The following CLDN16 variants were observed in gnomAD, a reference collection of about 807,000 sequenced individuals.
CLDN16 encodes the protein claudin-16.
Under a neutral mutation model 24.6 loss-of-function variants are expected in CLDN16, and 13 were observed. The ratio of observed to expected loss-of-function variants is 0.53; its 90% confidence interval spans 0.34 to 0.84. The LOEUF is 0.84. Among genes scored for constraint, CLDN16 ranks in the 40% least tolerant of loss-of-function variants. The pLI, the probability that CLDN16 is intolerant of heterozygous loss-of-function variation, is 0.01. For missense variants in CLDN16, 298 were observed against 292.7 expected (o/e 1.02, Z -0.13); for synonymous variants, 116 against 106.7 (o/e 1.09, Z -0.54).
chr3:190,327,513 C>A (rs1443348392), intron 1 of CLDN16, among the ~76,000 whole-genome samples: 2 of 152,110 alleles, frequency 1.3e-5, no homozygotes, highest in African/African-American at 4.8e-5. Context: ...AGATAACTAT[C>A]AACACAGATG....
At chr3:190,325,833 T>TAG (rs1717049100) in intron 1 of CLDN16, among the ~76,000 whole-genome samples, 1 of 152,230 alleles carries the variant, frequency 6.6e-6, no homozygotes, top group South Asian at 2.1e-4. Context: ...AATGAACACA[T>TAG]TACTAAGTAA....
At chr3:190,384,227 A>G (rs1718434643), upstream of CLDN16, among the ~76,000 whole-genome samples, 1 of 152,180 alleles carries the variant, frequency 6.6e-6, no homozygotes, top group South Asian at 2.1e-4. Context: ...GACTATTTAT[A>G]GGATATGGTA....
chr3:190,295,772 T>C, the CLDN16 span, among the ~76,000 whole-genome samples: 1 of 152,222 alleles, frequency 6.6e-6, no homozygotes, highest in African/African-American at 2.4e-5. Context: ...CTGTCTGAAC[T>C]AAATGTAGAA....
At position 190,350,344 on chromosome 3, in the gene CLDN16, T is replaced by TATATATA. The variant is rs1560085135; in HGVS notation, n.122-20549_122-20548insATATATA. On this transcript the variant is annotated intron_variant and non_coding_transcript_variant, in intron 1 of 4. Coordinates refer to the CLDN16 transcript ENST00000468220. ...AGTTTAAGAATCATAGTTCATAATG[T>TATATATA]TATATATATATATATATATATACTT... Among the ~76,000 whole-genome samples the TATATATA allele has an allele frequency of 7.6e-3, 1,081 of 142,040 alleles. 12 individuals carry two copies. The highest frequency in any genetic ancestry group is 0.01 in the African/African-American group (389 of 38,788). 93.2% of individuals were successfully genotyped at this position (142,040 alleles called of 152,430 possible).
At chr3:190,350,710 T>A (rs1717654614) in intron 1 of CLDN16, among the ~76,000 whole-genome samples, 2 of 152,166 alleles carry the variant, frequency 1.3e-5, no homozygotes, top group Non-Finnish European at 2.9e-5. Flanking sequence ...TATTACTGTG[T>A]TTGGGTTCAG....
In CLDN16 at chr3:190,410,276, A is replaced by C; in HGVS notation, c.*240A>C. 1 of 510,778 alleles carries C rather than the reference A, an allele frequency of 2.0e-6. No homozygotes were observed. Among genetic ancestry groups the C allele is most frequent in the Non-Finnish European group, 3.5e-6 (1 of 284,344 alleles). 31.6% of individuals were successfully genotyped at this position (510,778 alleles called of 1,614,324 possible). ...CACACTTTCCCTATATTTTAAGATA[A>C]GTCTGCTAGGATGTAGAAATATTTG... On this transcript the variant is annotated 3_prime_UTR_variant, in exon 5 of 5. Transcript: ENST00000264734.
chr3:190,369,929 GT>G (rs1457137792), intron 1 of CLDN16, among the ~76,000 whole-genome samples: 1 of 151,954 alleles, frequency 6.6e-6, no homozygotes, highest in East Asian at 1.9e-4. Context: ...AACCTGTGAT[GT>G]TTTCACAAAC....
intron 3 of CLDN16, among the ~76,000 whole-genome samples, chr3:190,407,422 C>G (rs777311142): frequency 3.9e-5 from 6 of 152,116 alleles, no homozygotes; most frequent in Non-Finnish European, 8.8e-5. Flanking sequence ...AAATCCAACT[C>G]AAGCAGACTT....
chr3:190,373,000 T>C lies in CLDN16; in HGVS notation n.231-1528T>C, dbSNP rs1411616534. On this transcript the variant is annotated intron_variant and non_coding_transcript_variant, in intron 2 of 4. Coordinates refer to the CLDN16 transcript ENST00000468220. ...ATCCTTACTGTACATGCTGATAATC[T>C]GCCTGACTCTTCAAAGGGCAGCCCC... is the stretch of plus-strand genomic sequence containing the variant. Among the ~76,000 whole-genome samples, 16 of 152,118 alleles carry C rather than the reference T, an allele frequency of 1.1e-4. No homozygotes were observed. The East Asian group carries it at 3.1e-3, about 30-fold the overall frequency.
At chr3:190,368,301 A>G (rs1439150461) in intron 1 of CLDN16, among the ~76,000 whole-genome samples, 7 of 152,080 alleles carry the variant, frequency 4.6e-5, no homozygotes, top group Non-Finnish European at 1.0e-4. Context: ...TCTGATGATC[A>G]GACAATAACT....
intron 3 of CLDN16, among the ~76,000 whole-genome samples, chr3:190,407,841 G>T (rs1358155592): frequency 6.6e-6 from 1 of 152,202 alleles, no homozygotes; most frequent in Non-Finnish European, 1.5e-5. Flanking sequence ...AGCTGGCATA[G>T]CTTCAAAAGG....
the CLDN16 span, chr3:190,306,218 A>G: frequency 6.6e-6 from 1 of 152,224 alleles, no homozygotes; most frequent in Non-Finnish European, 1.5e-5. Context: ...ATTTACCAAC[A>G]CGTAGGCTTT....
intron 1 of CLDN16, among the ~76,000 whole-genome samples, chr3:190,359,705 G>A (rs1447108409): frequency 1.3e-5 from 2 of 151,958 alleles, no homozygotes; most frequent in Non-Finnish European, 2.9e-5. Context: ...AAGTAGCATG[G>A]GAGCACTGAA....
At chr3:190,343,289 T>C (rs1396404207) in intron 1 of CLDN16, among the ~76,000 whole-genome samples, 1 of 151,920 alleles carries the variant, frequency 6.6e-6, no homozygotes, top group East Asian at 1.9e-4. Context: ...ATAGCTGGTA[T>C]CAAAAAGACA....
intron 3 of CLDN16, among the ~76,000 whole-genome samples, chr3:190,379,573 CAACA>C (rs200542579): frequency 2.4e-4 from 36 of 152,124 alleles, no homozygotes; most frequent in African/African-American, 7.0e-4. Flanking sequence ...CATTGGGCTT[CAACA>C]AACAAACAAA....
At chr3:190,367,987 C>T (rs1046011287) in intron 1 of CLDN16, among the ~76,000 whole-genome samples, 9 of 151,850 alleles carry the variant, frequency 5.9e-5, no homozygotes, top group African/African-American at 9.7e-5. Context: ...ATCTGATTTA[C>T]GTTGGGTCCT....
intron 1 of CLDN16, among the ~76,000 whole-genome samples, chr3:190,343,528 A>G (rs1717483943): frequency 6.6e-6 from 1 of 152,178 alleles, no homozygotes; most frequent in South Asian, 2.1e-4. Context: ...TTGTTCATAC[A>G]ATACCTAAGA....
At chr3:190,401,195 C>G (rs1367688283) in intron 1 of CLDN16, among the ~76,000 whole-genome samples, 1 of 146,268 alleles carries the variant, frequency 6.8e-6, no homozygotes, top group African/African-American at 2.5e-5. Flanking sequence ...ATAACACGGC[C>G]TCAAAAAATA....
intron 3 of CLDN16, among the ~76,000 whole-genome samples, chr3:190,375,374 G>A (rs1718224681): frequency 6.6e-6 from 1 of 151,880 alleles, no homozygotes; most frequent in East Asian, 1.9e-4. Context: ...GTGTAGAATG[G>A]CTACAGATCT....
Sources: gnomAD v4.1 joint callset for allele counts (sites outside exome capture counted in the v4.1 genomes callset) on GRCh38, gnomAD v4.1.1 for gene constraint, MANE v1.5 for transcripts, NCBI Gene and HGNC (gene_info 2026-07-23, HGNC 2026-07-21) for gene names.